TTC28: variants seen among roughly 807,000 people sequenced by gnomAD.
TTC28 encodes the protein tetratricopeptide repeat protein 28.
A neutral mutation model predicts 198.0 loss-of-function variants in TTC28; 61 were observed. That is an observed-to-expected ratio of 0.31 (90% confidence interval 0.25 to 0.38). The LOEUF is 0.38. Ranked by LOEUF, TTC28 falls within the 10% of genes least tolerant of loss-of-function variation. The pLI is 1.00. For synonymous variants in TTC28, 1,171 were observed against 1,297.8 expected (o/e 0.90, Z 2.10); for missense variants, 2,678 against 3,164.0 (o/e 0.85, Z 3.69).
chr22:28,034,021 AAAAG>A (rs1320156481), intron 12 of TTC28, among the ~76,000 whole-genome samples: 2 of 152,236 alleles, frequency 1.3e-5, no homozygotes, highest in East Asian at 1.9e-4. Flanking sequence ...AGACAGCAAG[AAAAG>A]AAAGAGAGGA....
chr22:28,147,265 C>T (rs1943490781), intron 6 of TTC28, among the ~76,000 whole-genome samples: 1 of 152,170 alleles, frequency 6.6e-6, no homozygotes, highest in Non-Finnish European at 1.5e-5. Context: ...ACTAATTATG[C>T]TGAAGAGTCT....
chr22:27,985,192 C>G, intron 22 of TTC28, 57 bp downstream of exon 22: 2 of 1,316,310 alleles, frequency 1.5e-6, no homozygotes, highest in South Asian at 1.3e-5. Flanking sequence ...TGGTGTCGGC[C>G]CCCAGGGAGA....
chr22:28,549,743 CT>C (rs1440497453), intron 2 of TTC28, among the ~76,000 whole-genome samples: 1 of 152,124 alleles, frequency 6.6e-6, no homozygotes, highest in East Asian at 1.9e-4. Flanking sequence ...TGGTTATATA[CT>C]TTTTACAGTT....
intron 10 of TTC28, among the ~76,000 whole-genome samples, chr22:28,096,738 C>A (rs937910742): frequency 2.4e-4 from 36 of 148,836 alleles, no homozygotes; most frequent in African/African-American, 7.9e-4. Flanking sequence ...CCTAACCTGG[C>A]TTTTTTTTTT....
chr22:28,575,808 T>C (rs1298814310), intron 2 of TTC28, among the ~76,000 whole-genome samples: 1 of 152,190 alleles, frequency 6.6e-6, no homozygotes, highest in Non-Finnish European at 1.5e-5. Context: ...TTCAGACTGT[T>C]TGCTGTTGGC....
chr22:28,361,460 G>A (rs1358063481), intron 2 of TTC28, among the ~76,000 whole-genome samples: 1 of 152,044 alleles, frequency 6.6e-6, no homozygotes, highest in Non-Finnish European at 1.5e-5. Flanking sequence ...TAACTATTCA[G>A]TTCTATGAAG....
chr22:28,589,999 T>C (rs1242525794), intron 2 of TTC28, among the ~76,000 whole-genome samples: 1 of 119,412 alleles, frequency 8.4e-6, no homozygotes, highest in Admixed American at 1.1e-4. Flanking sequence ...ATCATGCCAC[T>C]GCACTCCAGC....
intron 1 of TTC28, among the ~76,000 whole-genome samples, chr22:28,679,403 TCACACACCCA>T (rs1270740045): frequency 1.3e-5 from 2 of 151,716 alleles, no homozygotes; most frequent in African/African-American, 2.4e-5. Flanking sequence ...ATACACACCC[TCACACACCCA>T]CACACATCCA....
intron 5 of TTC28, among the ~76,000 whole-genome samples, chr22:28,189,734 T>C (rs1924552956): frequency 6.6e-6 from 1 of 152,222 alleles, no homozygotes; most frequent in South Asian, 2.1e-4. Flanking sequence ...CATTCCAATC[T>C]AGAATTCTAT....
At chr22:28,603,842 C>T (rs541427795) in intron 2 of TTC28, among the ~76,000 whole-genome samples, 182 of 152,182 alleles carry the variant, frequency 1.2e-3, no homozygotes, top group Non-Finnish European at 2.3e-3. Flanking sequence ...TAAATTTATT[C>T]AATGACTTCA....
chr22:27,982,110 G>T lies in TTC28; in HGVS notation c.*111C>A. 1 of 1,157,986 alleles carries T rather than the reference G, an allele frequency of 8.6e-7. No individual in the cohort carries two copies. The highest frequency in any genetic ancestry group is 1.2e-6 in the Non-Finnish European group (1 of 841,148). 71.7% of individuals were successfully genotyped at this position (1,157,986 alleles called of 1,614,324 possible). ...TGGTGCCCCTCGCCTGCAGAGCACAGCATCATGAGGGTGCTGGTGGCTGTG... is the reference window on the plus strand; with the variant it reads ...TGGTGCCCCTCGCCTGCAGAGCACATCATCATGAGGGTGCTGGTGGCTGTG... On this transcript the variant is annotated 3_prime_UTR_variant, in exon 23 of 23. Coordinates refer to ENST00000397906, the MANE Select transcript of TTC28 (RefSeq NM_001145418.2). The surrounding 1 kb of genome is among the most constrained non-coding windows in gnomAD (Gnocchi z 5.2).
At chr22:28,470,269 G>A (rs983109886) in intron 2 of TTC28, among the ~76,000 whole-genome samples, 2 of 152,170 alleles carry the variant, frequency 1.3e-5, no homozygotes, top group African/African-American at 4.8e-5. Context: ...AGAGGTGGCT[G>A]GCTGGGTTCC....
chr22:28,533,260 A>C lies in TTC28; in HGVS notation c.381+96292T>G, dbSNP rs538874189. ...AAAATCACAAGCATTCCTATACACCAATAACAGACAAACAGAGAGCCAAAT... is the reference window on the plus strand; with the variant it reads ...AAAATCACAAGCATTCCTATACACCCATAACAGACAAACAGAGAGCCAAAT... On this transcript the variant is annotated intron_variant, in intron 2 of 22. Coordinates refer to ENST00000397906, the MANE Select transcript of TTC28 (RefSeq NM_001145418.2). 5.3e-5 allele frequency among the ~76,000 whole-genome samples: 8 copies of C among 152,318 alleles called. No homozygotes were observed. The South Asian group carries it at 8.3e-4, about 16-fold the overall frequency.
Position 28,229,726 on chromosome 22 carries a change from ACAGTCATCCAG to A in TTC28, c.934-66138_934-66128del, listed in dbSNP as rs964823491. 7.9e-5 allele frequency among the ~76,000 whole-genome samples: 12 copies of A among 152,248 alleles called. No individual in the cohort carries two copies. The South Asian group carries it at 2.5e-3, about 32-fold the overall frequency. Reference sequence around the variant, plus strand: ...CAAGCATACGAATCAGGAGTTAAGAACAGTCATCCAGCATTCAGAGTAGTAACTCAAGCCTC... The same window carrying A: ...CAAGCATACGAATCAGGAGTTAAGAACATTCAGAGTAGTAACTCAAGCCTC... On this transcript the variant is annotated intron_variant, in intron 5 of 22. Transcript: ENST00000397906.
At chr22:28,181,530 A>G (rs1190218595) in intron 5 of TTC28, among the ~76,000 whole-genome samples, 1 of 152,060 alleles carries the variant, frequency 6.6e-6, no homozygotes, top group African/African-American at 2.4e-5. Context: ...TAATGATTTC[A>G]TTTTTTTTAA....
At chr22:28,616,005 A>C (rs892451448) in intron 2 of TTC28, among the ~76,000 whole-genome samples, 2 of 152,162 alleles carry the variant, frequency 1.3e-5, no homozygotes, top group Non-Finnish European at 2.9e-5. Flanking sequence ...AAATCAGTAA[A>C]TTGCAATCTC....
intron 2 of TTC28, among the ~76,000 whole-genome samples, chr22:28,313,195 G>C (rs1334139529): frequency 6.6e-6 from 1 of 152,106 alleles, no homozygotes; most frequent in East Asian, 1.9e-4. Context: ...ACCAATAACA[G>C]GTTCTGAAAT....
intron 5 of TTC28, among the ~76,000 whole-genome samples, chr22:28,169,033 A>C (rs1028397931): frequency 1.3e-5 from 2 of 152,238 alleles, no homozygotes; most frequent in Non-Finnish European, 2.9e-5. Context: ...GACACTTCTC[A>C]AAAGAAGACA....
intron 6 of TTC28, among the ~76,000 whole-genome samples, chr22:28,155,306 C>A (rs901518617): frequency 2.0e-5 from 3 of 152,144 alleles, no homozygotes; most frequent in African/African-American, 7.2e-5. Flanking sequence ...CACTGTGGCA[C>A]AACATCGTGA....
Sources: gnomAD v4.1 joint callset for allele counts (sites outside exome capture counted in the v4.1 genomes callset) on GRCh38, gnomAD v4.1.1 for gene constraint, Gnocchi (gnomAD v3.1) non-coding constraint, MANE v1.5 for transcripts, NCBI Gene and HGNC (gene_info 2026-07-23, HGNC 2026-07-21) for gene names.